RBFOX1: variants seen among roughly 807,000 people sequenced by gnomAD.
RBFOX1 encodes RNA binding protein fox-1 homolog 1.
RBFOX1 carries 8 observed loss-of-function variants against 57.7 expected under a neutral mutation model. That is an observed-to-expected ratio of 0.14 (90% CI 0.08 to 0.25). The LOEUF (loss-of-function observed/expected upper bound fraction) is 0.25, where lower values mean the gene tolerates loss of function less well. Among genes scored for constraint, RBFOX1 ranks in the 10% least tolerant of loss-of-function variants. RBFOX1 has a pLI of 1.00. For synonymous variants in RBFOX1, 326 were observed against 222.4 expected, an observed-to-expected ratio of 1.47 and a Z score of -4.15; for missense variants, 611 against 548.5, an observed-to-expected ratio of 1.11 and a Z score of -1.14.
At chr16:7,180,374 C>T (rs2082461119) in intron 4 of RBFOX1, among the ~76,000 whole-genome samples, 1 of 152,134 alleles carries the variant, frequency 6.6e-6, no homozygotes, top group Non-Finnish European at 1.5e-5. Flanking sequence ...AAGAAAGGGA[C>T]AGCATCTCTG....
intron 3 of RBFOX1, among the ~76,000 whole-genome samples, chr16:6,908,245 C>G (rs542421198): frequency 6.6e-6 from 1 of 151,750 alleles, no homozygotes; most frequent in Non-Finnish European, 1.5e-5. Context: ...TTCATCTTCT[C>G]TCCTCCAGCC....
intron 2 of RBFOX1, among the ~76,000 whole-genome samples, chr16:6,530,875 T>C (rs1229659622): frequency 6.6e-6 from 1 of 152,054 alleles, no homozygotes. Flanking sequence ...TTGTAAGAGA[T>C]ATAATTCAAG....
At chr16:5,268,917 A>C (rs950909207) in intron 1 of RBFOX1, among the ~76,000 whole-genome samples, 1 of 144,998 alleles carries the variant, frequency 6.9e-6, no homozygotes. Context: ...TATTTTCTCT[A>C]TTTTTTTTTT....
At chr16:6,245,871 TG>T (rs2097566393) in intron 1 of RBFOX1, among the ~76,000 whole-genome samples, 1 of 152,208 alleles carries the variant, frequency 6.6e-6, no homozygotes, top group Admixed American at 6.5e-5. Context: ...CGCTTGGTTT[TG>T]TTGAGACACA....
At chr16:5,435,486 C>G (rs471511) in intron 1 of RBFOX1, among the ~76,000 whole-genome samples, 23,497 of 152,118 alleles carry the variant, frequency 0.15, 3,759 homozygotes, top group African/African-American at 0.41. Context: ...CAGCCCACTA[C>G]GATCCCTGGA....
At chr16:5,999,396 T>C (rs2060547632) in intron 4 of RBFOX1, among the ~76,000 whole-genome samples, 1 of 152,240 alleles carries the variant, frequency 6.6e-6, no homozygotes, top group African/African-American at 2.4e-5. Context: ...CTTCCCCCAT[T>C]GAAACCTTTC....
chr16:5,489,737 A>G (rs1010061145), intron 2 of RBFOX1, among the ~76,000 whole-genome samples: 2 of 152,132 alleles, frequency 1.3e-5, no homozygotes, highest in African/African-American at 2.4e-5. Context: ...CTAAAGATGG[A>G]TGATTTTGCT....
chr16:6,080,311 G>T (rs2095981122), intron 1 of RBFOX1, among the ~76,000 whole-genome samples: 1 of 152,124 alleles, frequency 6.6e-6, no homozygotes, highest in African/African-American at 2.4e-5. Context: ...TGCTTCACAT[G>T]AATCAGAGAA....
At chr16:6,938,862 G>C (rs1408721393) in intron 3 of RBFOX1, among the ~76,000 whole-genome samples, 1 of 152,148 alleles carries the variant, frequency 6.6e-6, no homozygotes, top group East Asian at 1.9e-4. Context: ...AACCTGAGAG[G>C]CAGAGGTAGC....
At chr16:6,648,535 G>T (rs1406483570) in intron 2 of RBFOX1, among the ~76,000 whole-genome samples, 2 of 152,122 alleles carry the variant, frequency 1.3e-5, no homozygotes, top group Non-Finnish European at 2.9e-5. Flanking sequence ...TCTAATGCCA[G>T]AACTGGAATT....
At position 6,579,724 on chromosome 16, in the gene RBFOX1, G is replaced by T. The variant is rs80074589; in HGVS notation, c.-63-74879G>T. 8.0e-3 allele frequency among the ~76,000 whole-genome samples: 1,210 copies of T among 152,086 alleles called. 13 individuals are homozygous for T. Among genetic ancestry groups the T allele is most frequent in the African/African-American group, 0.028 (1,154 of 41,468 alleles). ...TCTCAGGTATATCTTTAGTAGCAGCGTGGGAACAGACTAATACACTTGGCT... is the reference window on the plus strand; with the variant it reads ...TCTCAGGTATATCTTTAGTAGCAGCTTGGGAACAGACTAATACACTTGGCT... On this transcript the variant is annotated intron_variant, in intron 2 of 15. Transcript: ENST00000550418.
At chr16:6,675,079 A>G (rs1010487483) in intron 3 of RBFOX1, among the ~76,000 whole-genome samples, 8 of 151,498 alleles carry the variant, frequency 5.3e-5, no homozygotes, top group East Asian at 2.0e-4. Flanking sequence ...TAATTTTTGT[A>G]TTTTTTTGTA....
intron 3 of RBFOX1, among the ~76,000 whole-genome samples, chr16:6,737,034 C>G (rs2070574783): frequency 6.6e-6 from 1 of 152,136 alleles, no homozygotes; most frequent in Admixed American, 6.5e-5. Flanking sequence ...CTCATTTAAG[C>G]AGTATTCAGT....
intron 2 of RBFOX1, among the ~76,000 whole-genome samples, chr16:6,437,641 A>T (rs918802903): frequency 2.0e-5 from 3 of 152,186 alleles, no homozygotes; most frequent in African/African-American, 7.2e-5. Context: ...GGTTTAATTG[A>T]CTCAGAGTTT....
At chr16:6,375,741 G>A (rs575839674) in intron 2 of RBFOX1, among the ~76,000 whole-genome samples, 10 of 152,062 alleles carry the variant, frequency 6.6e-5, no homozygotes, top group African/African-American at 1.9e-4. Flanking sequence ...GGTTTCTGAC[G>A]GAGCGAGAAT....
At chr16:6,921,188 T>C (rs2074370779) in intron 3 of RBFOX1, among the ~76,000 whole-genome samples, 1 of 152,106 alleles carries the variant, frequency 6.6e-6, no homozygotes, top group South Asian at 2.1e-4. Flanking sequence ...AATGCATGAG[T>C]TTTCTATTCT....
At chr16:6,298,122 A>C (rs1219848188) in intron 1 of RBFOX1, among the ~76,000 whole-genome samples, 1 of 152,200 alleles carries the variant, frequency 6.6e-6, no homozygotes, top group Non-Finnish European at 1.5e-5. Flanking sequence ...ACACTGTAAC[A>C]CACGCCCAGT....
chr16:5,495,938 C>T (rs998998212), intron 2 of RBFOX1, among the ~76,000 whole-genome samples: 2 of 152,190 alleles, frequency 1.3e-5, no homozygotes, highest in African/African-American at 4.8e-5. Flanking sequence ...CCATCCTGGC[C>T]AACATGGTGA....
chr16:6,309,574 A>C (rs767892429), intron 1 of RBFOX1, among the ~76,000 whole-genome samples: 8 of 152,118 alleles, frequency 5.3e-5, no homozygotes, highest in Non-Finnish European at 1.0e-4. Context: ...TTTAATCAGA[A>C]CATACCCTAC....
Sources: allele counts gnomAD v4.1 joint callset (sites outside exome capture counted in the v4.1 genomes callset), GRCh38; gene constraint gnomAD v4.1.1; transcripts MANE v1.5; gene names NCBI Gene and HGNC (gene_info 2026-07-23, HGNC 2026-07-21).